Variants in STAT4 observed in about 807,000 individuals in gnomAD.
STAT4 encodes the protein signal transducer and activator of transcription 4.
A neutral mutation model predicts 110.5 loss-of-function variants in STAT4; 42 were observed. The ratio of observed to expected loss-of-function variants is 0.38; its 90% CI spans 0.30 to 0.49. STAT4 has a LOEUF of 0.49. Ranked by LOEUF, STAT4 falls within the 20% of genes least tolerant of loss-of-function variation. The pLI is 0.95. For missense variants in STAT4, 632 were observed against 887.9 expected, an observed-to-expected ratio of 0.71 and a Z score of 3.66; for synonymous variants, 284 against 302.2, an observed-to-expected ratio of 0.94 and a Z score of 0.63.
rs1695870652 is a variant in STAT4 at position 191,030,804 on chromosome 2, A to G, written c.2220+168T>C. On this transcript the variant is annotated intron_variant, in intron 23 of 23. Transcript: ENST00000392320. The surrounding 1 kb of genome is among the most constrained non-coding windows in gnomAD (Gnocchi z 4.4). ...GTCTGCTTTCAATACGCATAATATC[A>G]GCAACACGCAGGACCATCCAGACAC... The G allele has an allele frequency of 1.0e-5, 6 of 588,858 alleles. No homozygotes were observed. The highest frequency in any genetic ancestry group is 1.8e-5 in the Non-Finnish European group (6 of 332,094). The allele number at this position is 588,858 out of a possible 1,614,324, so 36.5% of individuals were successfully genotyped here. A position where few individuals can be genotyped will look rare whatever the true frequency, so the allele number is the denominator to read the frequency against.
At position 191,032,947 on chromosome 2, in the gene STAT4, A is replaced by G; in HGVS notation, c.2044+11T>C. On this transcript the variant is annotated intron_variant, in intron 21 of 23. Transcript: ENST00000392320. This position sits in a 1 kb window ranked among gnomAD's most constrained non-coding sequence, Gnocchi z 4.9. ...AGGAAAAAAAAACAAAAACAAACAG[A>G]AAAACCTAACCTTCGCAAGGCTGAG... The G allele has an allele frequency of 6.3e-7, 1 of 1,580,772 alleles. No individual in the cohort carries two copies. The highest frequency in any genetic ancestry group is 8.6e-7 in the Non-Finnish European group (1 of 1,168,510).
At position 191,031,211 on chromosome 2, in the gene STAT4, T is replaced by G. The variant is rs1204209216; in HGVS notation, c.2112-131A>C. Reference sequence around the variant, plus strand: ...ACATTGAGTTATCTAATTCATCATTTCATATCAGAACACTCAACTTACTGT... The same window carrying G: ...ACATTGAGTTATCTAATTCATCATTGCATATCAGAACACTCAACTTACTGT... On this transcript the variant is annotated intron_variant, in intron 22 of 23. Transcript: ENST00000392320. This position sits in a 1 kb window ranked among gnomAD's most constrained non-coding sequence, Gnocchi z 4.8. 2.9e-6 allele frequency: 3 copies of G among 1,017,346 alleles called. No individual in the cohort carries two copies. Among genetic ancestry groups the G allele is most frequent in the East Asian group, 2.4e-5 (1 of 40,986 alleles). The allele number at this position is 1,017,346 out of a possible 1,614,324, so 63.0% of individuals were successfully genotyped here.
Position 191,073,123 on chromosome 2 carries a change from A to C in STAT4, c.440T>G (p.Val147Gly), listed in dbSNP as rs1340651373. Residue 147 changes from valine (V) to glycine (G), a missense_variant, in exon 5 of 24, where the codon GTG becomes GGG. Physicochemically the swap from Val to Gly is moderately radical, Grantham distance 109. Transcript: ENST00000392320. ...SERQRNVEHK[V>G]AAIKNSVQMT... ...CTGCACACTGTTTTTAATGGCAGCC[A>C]CTTTGTGCTCCACATTCCTCTGTCT... 6.2e-7 allele frequency: 1 copy of C among 1,614,028 alleles called. No homozygotes were observed. The highest frequency in any genetic ancestry group is 8.5e-7 in the Non-Finnish European group (1 of 1,179,928).
At chr2:191,052,528 A>G (rs370454338) in intron 14 of STAT4, among the ~76,000 whole-genome samples, 1 of 152,354 alleles carries the variant, frequency 6.6e-6, no homozygotes, top group East Asian at 1.9e-4. Context: ...TGGTTTTTCT[A>G]CAGTGGAAGA....
chr2:191,056,193 A>G (rs943494365), intron 13 of STAT4, among the ~76,000 whole-genome samples: 1 of 152,162 alleles, frequency 6.6e-6, no homozygotes, highest in Non-Finnish European at 1.5e-5. Flanking sequence ...AGACTTTTTG[A>G]GGCAGATTCA....
chr2:191,077,713 T>G lies in STAT4; in HGVS notation c.274-1388A>C, dbSNP rs1202257383. Among the ~76,000 whole-genome samples the G allele has an allele frequency of 6.6e-6, 1 of 152,214 alleles. No individual in the cohort carries two copies. Among genetic ancestry groups the G allele is most frequent in the African/African-American group, 2.4e-5 (1 of 41,462 alleles). ...ATGATGTCTGTTAATTACTTCTATTTGTTTTATTAAATGATGTATGTTAAT... is the reference window on the plus strand; with the variant it reads ...ATGATGTCTGTTAATTACTTCTATTGGTTTTATTAAATGATGTATGTTAAT... On this transcript the variant is annotated intron_variant, in intron 3 of 23. Transcript: ENST00000392320. This position sits in a 1 kb window ranked among gnomAD's most constrained non-coding sequence, Gnocchi z 4.1.
At position 191,033,441 on chromosome 2, in the gene STAT4, A is replaced by G. The variant is rs1559036308; in HGVS notation, c.1852+49T>C. ...TCCAAAAACTGAAATCCCAGTAACC[A>G]AATTTAAGAAAACTAATTTCACATG... On this transcript the variant is annotated intron_variant, in intron 20 of 23. Coordinates refer to ENST00000392320, the MANE Select transcript of STAT4 (RefSeq NM_003151.4). This position sits in a 1 kb window ranked among gnomAD's most constrained non-coding sequence, Gnocchi z 6.9. 1.9e-6 allele frequency: 3 copies of G among 1,572,820 alleles called. No individual in the cohort carries two copies. The highest frequency in any genetic ancestry group is 2.6e-6 in the Non-Finnish European group (3 of 1,160,430).
chr2:191,063,816 G>A (rs1418453269), intron 8 of STAT4, among the ~76,000 whole-genome samples: 1 of 152,174 alleles, frequency 6.6e-6, no homozygotes, highest in Non-Finnish European at 1.5e-5. Flanking sequence ...GAAAATCAAT[G>A]TTTTAAAATG....
chr2:191,080,962 G>A (rs1697451810), intron 3 of STAT4, among the ~76,000 whole-genome samples: 2 of 152,062 alleles, frequency 1.3e-5, no homozygotes, highest in African/African-American at 2.4e-5. Context: ...CATCAAATTA[G>A]GTATTTCTCC....
intron 3 of STAT4, among the ~76,000 whole-genome samples, chr2:191,079,762 G>A (rs1056312043): frequency 1.3e-5 from 2 of 151,732 alleles, no homozygotes; most frequent in Admixed American, 1.3e-4. Flanking sequence ...TTTTTTTACA[G>A]ATTTTTAGAA....
At position 191,112,495 on chromosome 2, in the gene STAT4, A is replaced by G. The variant is rs112821239; in HGVS notation, c.273+34118T>C. Among the ~76,000 whole-genome samples the G allele has an allele frequency of 3.2e-3, 480 of 152,370 alleles. No homozygotes were observed. The highest frequency in any genetic ancestry group is 0.011 in the African/African-American group (449 of 41,586). On this transcript the variant is annotated intron_variant, in intron 3 of 23. Coordinates refer to ENST00000392320, the MANE Select transcript of STAT4 (RefSeq NM_003151.4). This position sits in a 1 kb window ranked among gnomAD's most constrained non-coding sequence, Gnocchi z 4.3. ...AAGCCACATATATGCAAATGGATGAATACATATGGGTATATGTATGCATAT... is the reference window on the plus strand; with the variant it reads ...AAGCCACATATATGCAAATGGATGAGTACATATGGGTATATGTATGCATAT...
rs371789309 is a variant in STAT4, at chr2:191,110,917, G to A, written c.274-34592C>T. The stretch of plus-strand genomic sequence containing the variant: ...CCCTGCCTCAGCCTCCTGAGTTGCC[G>A]GGATTACAGGTGGGTGACACCAGGC... On this transcript the variant is annotated intron_variant, in intron 3 of 23. Coordinates refer to ENST00000392320, the MANE Select transcript of STAT4 (RefSeq NM_003151.4). The surrounding 1 kb of genome is among the most constrained non-coding windows in gnomAD (Gnocchi z 4.5). Among the ~76,000 whole-genome samples, 48 of 152,120 alleles carry A rather than the reference G, an allele frequency of 3.2e-4. 1 individual carries two copies. The highest frequency in any genetic ancestry group is 6.7e-4 in the African/African-American group (28 of 41,498).
Position 191,058,692 on chromosome 2 carries a change from C to G in STAT4, c.1094+18G>C. On this transcript the variant is annotated intron_variant, in intron 11 of 23. Coordinates refer to ENST00000392320, the MANE Select transcript of STAT4 (RefSeq NM_003151.4). The surrounding 1 kb of genome is among the most constrained non-coding windows in gnomAD (Gnocchi z 4.3). ...TTACATTTGGAATTGTAATTCAAAACGAAATTAGAAAACTTACTTGTCAAT... is the reference window on the plus strand; with the variant it reads ...TTACATTTGGAATTGTAATTCAAAAGGAAATTAGAAAACTTACTTGTCAAT... 1 of 1,528,062 alleles carries G rather than the reference C, an allele frequency of 6.5e-7. No homozygotes were observed. The highest frequency in any genetic ancestry group is 8.9e-7 in the Non-Finnish European group (1 of 1,121,968). 94.7% of individuals were successfully genotyped at this position (1,528,062 alleles called of 1,614,324 possible). A position where few individuals can be genotyped will look rare whatever the true frequency, so the allele number is the denominator to read the frequency against.
chr2:191,053,625 T>C lies in STAT4; in HGVS notation c.1251+865A>G, dbSNP rs962946164. On this transcript the variant is annotated intron_variant, in intron 14 of 23. Coordinates refer to ENST00000392320, the MANE Select transcript of STAT4 (RefSeq NM_003151.4). The surrounding 1 kb of genome is among the most constrained non-coding windows in gnomAD (Gnocchi z 4.5). The stretch of plus-strand genomic sequence containing the variant: ...ACATTAGAGAGCGAGGTAATTGATA[T>C]CTCAAAATAATAGGGTTGTTTTTTA... 3.3e-5 allele frequency among the ~76,000 whole-genome samples: 5 copies of C among 152,184 alleles called. No homozygotes were observed. Among genetic ancestry groups the C allele is most frequent in the Non-Finnish European group, 7.3e-5 (5 of 68,042 alleles).
At position 191,031,035 on chromosome 2, in the gene STAT4, G is replaced by C. The variant is rs1695877405; in HGVS notation, c.2157C>G (p.Pro719=). Residue 719 remains proline, a synonymous_variant, in exon 23 of 24, where the codon CCC becomes CCG. Transcript: ENST00000392320. The surrounding 1 kb of genome is among the most constrained non-coding windows in gnomAD (Gnocchi z 4.8). ...ACACCGCATACACACTTGGAGACAT[G>C]GGAAGAAGGTCTGATGGAGAATGTG... ...TEPHSPSDLL[P]MSPSVYAVLR... 6.2e-7 allele frequency: 1 copy of C among 1,613,984 alleles called. No homozygotes were observed. Among genetic ancestry groups the C allele is most frequent in the Non-Finnish European group, 8.5e-7 (1 of 1,179,864 alleles).
chr2:191,064,691 A>C (rs1696937997), intron 8 of STAT4, 116 bp downstream of exon 8: 4 of 1,268,468 alleles, frequency 3.2e-6, no homozygotes, highest in South Asian at 1.6e-5. Context: ...CTAATAAGCC[A>C]TCAATAAACT....
intron 4 of STAT4, among the ~76,000 whole-genome samples, chr2:191,075,683 C>T (rs370127181): frequency 6.6e-6 from 1 of 152,044 alleles, no homozygotes; most frequent in East Asian, 1.9e-4. Flanking sequence ...TCTGGAAAGA[C>T]ATGGTAATTG....
At chr2:191,124,493 A>G (rs1055832339) in intron 3 of STAT4, among the ~76,000 whole-genome samples, 2 of 150,710 alleles carry the variant, frequency 1.3e-5, no homozygotes, top group African/African-American at 4.9e-5. Context: ...AGCCCTTGCT[A>G]TATGCTGGGC....
At chr2:191,102,223 G>A (rs563455144) in intron 3 of STAT4, among the ~76,000 whole-genome samples, 5 of 152,068 alleles carry the variant, frequency 3.3e-5, no homozygotes, top group East Asian at 1.9e-4. Context: ...AGGCATAAAT[G>A]GGCTATGTGA....
Sources: allele counts gnomAD v4.1 joint callset (sites outside exome capture counted in the v4.1 genomes callset), GRCh38; gene constraint gnomAD v4.1.1; non-coding constraint Gnocchi (gnomAD v3.1); transcripts MANE v1.5; gene names NCBI Gene and HGNC (gene_info 2026-07-23, HGNC 2026-07-21).